RGL1: variants seen among roughly 807,000 people sequenced by gnomAD.
The protein encoded by RGL1 is ral guanine nucleotide dissociation stimulator-like 1.
In RGL1, 24 loss-of-function variants were observed where a neutral mutation model predicts 95.2. The observed-to-expected ratio is 0.25, with a 90% CI of 0.18 to 0.35. The LOEUF is 0.35. Ranked by LOEUF, RGL1 falls within the 10% of genes least tolerant of loss-of-function variation. The pLI is 1.00. For missense variants in RGL1, 715 were observed against 936.3 expected, an observed-to-expected ratio of 0.76 and a Z score of 3.08; for synonymous variants, 329 against 344.9, an observed-to-expected ratio of 0.95 and a Z score of 0.51.
intron 1 of RGL1, among the ~76,000 whole-genome samples, chr1:183,637,876 G>A (rs947794282): frequency 3.9e-5 from 6 of 151,980 alleles, no homozygotes; most frequent in African/African-American, 1.2e-4. Flanking sequence ...GGTGAATGGC[G>A]TTATATAACT....
intron 1 of RGL1, among the ~76,000 whole-genome samples, chr1:183,639,299 G>GA (rs1649758784): frequency 6.9e-6 from 1 of 145,420 alleles, no homozygotes; most frequent in East Asian, 2.0e-4. Context: ...AAAAAAAAAA[G>GA]AAAAAAGACG....
intron 1 of RGL1, among the ~76,000 whole-genome samples, chr1:183,637,792 C>A (rs1294951415): frequency 6.6e-6 from 1 of 151,962 alleles, no homozygotes; most frequent in Non-Finnish European, 1.5e-5. Context: ...CTTAAGACAG[C>A]AAAGGAAAAA....
chr1:183,730,661 T>A (rs750882525), intron 1 of RGL1, among the ~76,000 whole-genome samples: 1 of 152,126 alleles, frequency 6.6e-6, no homozygotes, highest in Non-Finnish European at 1.5e-5. Context: ...GAACATAATT[T>A]TGACTAATTG....
chr1:183,778,325 T>C (rs1659706616), intron 2 of RGL1, among the ~76,000 whole-genome samples: 1 of 152,050 alleles, frequency 6.6e-6, no homozygotes, highest in Admixed American at 6.5e-5. Flanking sequence ...CTCTGTACTA[T>C]AGGATAGGAA....
intron 1 of RGL1, among the ~76,000 whole-genome samples, chr1:183,712,864 A>C (rs1655369923): frequency 6.6e-6 from 1 of 152,174 alleles, no homozygotes; most frequent in South Asian, 2.1e-4. Context: ...GTCCCTGTGG[A>C]ATCTTAATTT....
chr1:183,657,483 T>C (rs1487255915), intron 1 of RGL1, among the ~76,000 whole-genome samples: 1 of 152,098 alleles, frequency 6.6e-6, no homozygotes. Flanking sequence ...ATGTTCCCCT[T>C]CCTGTGTCCA....
In RGL1 at chr1:183,865,947, C is replaced by T. The variant is rs761323761; in HGVS notation, c.348-49C>T. 3.0e-6 allele frequency: 4 copies of T among 1,340,560 alleles called. No homozygotes were observed. In the South Asian group the frequency reaches 3.5e-5, roughly 12 times the overall value. 83.0% of individuals were successfully genotyped at this position (1,340,560 alleles called of 1,614,324 possible). A position where few individuals can be genotyped will look rare whatever the true frequency, so the allele number is the denominator to read the frequency against. On this transcript the variant is annotated intron_variant, in intron 3 of 17. Coordinates refer to ENST00000360851, the MANE Select transcript of RGL1 (RefSeq NM_001297671.3). ...AGTTGAAGTTGAATAGAGTTGCTTT[C>T]CAACACCACTGACTGTTTTTGCTTG...
At chr1:183,924,555 G>A (rs1311491665) in intron 17 of RGL1, among the ~76,000 whole-genome samples, 1 of 152,060 alleles carries the variant, frequency 6.6e-6, no homozygotes, top group Non-Finnish European at 1.5e-5. Flanking sequence ...GCAAGCCACC[G>A]TGGCACATAT....
intron 17 of RGL1, among the ~76,000 whole-genome samples, chr1:183,924,799 C>CA (rs758747749): frequency 0.019 from 2,112 of 111,038 alleles, 30 homozygotes; most frequent in Middle Eastern, 0.051. Flanking sequence ...CAAAAAAATA[C>CA]AAAAAAAAAA....
At chr1:183,892,001 T>C in intron 8 of RGL1, 76 bp from the exon 9 acceptor site, 2 of 1,120,198 alleles carry the variant, frequency 1.8e-6, no homozygotes, top group African/African-American at 1.5e-5. Context: ...ACATGAGTCC[T>C]GAGGACAGCT....
intron 1 of RGL1, among the ~76,000 whole-genome samples, chr1:183,668,693 A>G (rs1296538573): frequency 6.6e-6 from 1 of 151,546 alleles, no homozygotes; most frequent in Non-Finnish European, 1.5e-5. Context: ...TTTGTTTTGC[A>G]TTTATCTTGC....
rs568068989 is a variant in RGL1 at position 183,865,029 on chromosome 1, C to T, written c.348-967C>T. On this transcript the variant is annotated intron_variant, in intron 3 of 17. Transcript: ENST00000360851. The stretch of plus-strand genomic sequence containing the variant: ...TATCAAAACTTTGGGACAGACTACT[C>T]ACTTGTGAAACCCCAAGGAATCTCT... 2.6e-5 allele frequency among the ~76,000 whole-genome samples: 4 copies of T among 152,312 alleles called. No homozygotes were observed. In the South Asian group the frequency reaches 8.3e-4, roughly 32 times the overall value.
intron 1 of RGL1, among the ~76,000 whole-genome samples, chr1:183,739,152 G>A (rs1657130449): frequency 6.6e-6 from 1 of 152,216 alleles, no homozygotes. Context: ...GCTCACCCTG[G>A]TCAGAAGTTG....
Position 183,656,795 on chromosome 1 carries a change from A to G in RGL1, c.-33+20294A>G, listed in dbSNP as rs557951036. On this transcript the variant is annotated intron_variant, in intron 1 of 18. Transcript: ENST00000304685. Reference sequence around the variant, plus strand: ...ATAAAAATGATATTATACAAAGAAGAACAAAAAAGACATACAGAACATAAA... The same window carrying G: ...ATAAAAATGATATTATACAAAGAAGGACAAAAAAGACATACAGAACATAAA... Among the ~76,000 whole-genome samples, 6 of 152,364 alleles carry G rather than the reference A, an allele frequency of 3.9e-5. No individual in the cohort carries two copies. The East Asian group carries it at 1.2e-3, about 29-fold the overall frequency.
At chr1:183,729,211 C>T (rs905486942) in intron 1 of RGL1, among the ~76,000 whole-genome samples, 2 of 151,210 alleles carry the variant, frequency 1.3e-5, no homozygotes, top group African/African-American at 4.9e-5. Context: ...TGTGTGTATA[C>T]TATTTTATAT....
chr1:183,648,125 T>C (rs1650440381), intron 1 of RGL1: 8 of 1,614,126 alleles, frequency 5.0e-6, no homozygotes, highest in Non-Finnish European at 6.8e-6. Context: ...TGTCAGCCAG[T>C]GCTCTCCCAG....
chr1:183,783,998 AT>A (rs1660029914), intron 2 of RGL1, among the ~76,000 whole-genome samples: 1 of 152,180 alleles, frequency 6.6e-6, no homozygotes, highest in African/African-American at 2.4e-5. Flanking sequence ...ACACAAGCAT[AT>A]TAAGGAAGAA....
At chr1:183,809,298 T>C (rs965273365) in intron 2 of RGL1, among the ~76,000 whole-genome samples, 6 of 152,216 alleles carry the variant, frequency 3.9e-5, no homozygotes, top group Non-Finnish European at 8.8e-5. Context: ...TAATTACATA[T>C]CCTCAGATGT....
At chr1:183,883,954 T>G in intron 6 of RGL1, 44 bp downstream of exon 6, 2 of 1,604,892 alleles carry the variant, frequency 1.2e-6, no homozygotes, top group East Asian at 4.5e-5. Flanking sequence ...ACTTAAAACA[T>G]AGGGGAGTGA....
Sources: gnomAD v4.1 joint callset for allele counts (sites outside exome capture counted in the v4.1 genomes callset) on GRCh38, gnomAD v4.1.1 for gene constraint, MANE v1.5 for transcripts, NCBI Gene and HGNC (gene_info 2026-07-23, HGNC 2026-07-21) for gene names.